Variants in MECR observed in about 807,000 individuals in gnomAD.
The protein encoded by MECR is enoyl-[acyl-carrier-protein] reductase, mitochondrial.
MECR carries 37 observed loss-of-function variants against 49.1 expected under a neutral mutation model. The observed-to-expected ratio is 0.75, with a 90% CI of 0.58 to 0.99. MECR has a LOEUF of 0.99. Among genes scored for constraint, MECR ranks in the 50% least tolerant of loss-of-function variants. The pLI is 0.00. For missense variants in MECR, 470 were observed against 479.6 expected, an observed-to-expected ratio of 0.98 and a Z score of 0.19; for synonymous variants, 198 against 191.1, an observed-to-expected ratio of 1.04 and a Z score of -0.30.
intron 9 of MECR, among the ~76,000 whole-genome samples, chr1:29,194,715 CAGGAAGTTG>C: frequency 6.6e-6 from 1 of 152,270 alleles, no homozygotes; most frequent in South Asian, 2.1e-4. Context: ...CTATATGGTA[CAGGAAGTTG>C]AGAAGTGAAG....
chr1:29,170,322 T>C, the MECR span: 1 of 152,228 alleles, frequency 6.6e-6, no homozygotes, highest in African/African-American at 2.4e-5. Context: ...ATAGAATTAC[T>C]TTATCTGTTA....
chr1:29,222,393 G>C (rs928710601), intron 1 of MECR, among the ~76,000 whole-genome samples: 2 of 152,120 alleles, frequency 1.3e-5, no homozygotes, highest in African/African-American at 4.8e-5. Flanking sequence ...CACTGCACCT[G>C]GCTGTTAGGT....
the MECR span, among the ~76,000 whole-genome samples, chr1:29,182,390 T>C: frequency 1.3e-5 from 2 of 152,162 alleles, no homozygotes; most frequent in Non-Finnish European, 2.9e-5. Context: ...CATAAAGCAC[T>C]TAGTAGTTTT....
Position 29,216,685 on chromosome 1 carries a change from T to G in MECR, c.177A>C (p.Glu59Asp). The change falls in exon 2 of 10, where the codon GAA becomes GAC. Residue 59 changes from glutamate (E) to aspartate (D), a missense_variant and splice_region_variant. Coordinates refer to ENST00000263702, the MANE Select transcript of MECR (RefSeq NM_016011.5). ...CAGCAGCTAGCTCCAGGTTCTTGAG[T>G]CTAAGCACAAAGCCAAACGGAGATG... ...GHHGDPAKVV[E>D]LKNLELAAVR... 6.2e-7 allele frequency: 1 copy of G among 1,614,154 alleles called. No homozygotes were observed. The highest frequency in any genetic ancestry group is 8.5e-7 in the Non-Finnish European group (1 of 1,180,016).
chr1:29,203,192 G>C lies in MECR; in HGVS notation c.592C>G (p.Gln198Glu). 1 of 1,584,308 alleles carries C rather than the reference G, an allele frequency of 6.3e-7. No individual in the cohort carries two copies. The highest frequency in any genetic ancestry group is 8.6e-7 in the Non-Finnish European group (1 of 1,161,524). The change falls in exon 5 of 10, where the codon CAA becomes GAA. Residue 198 changes from glutamine to glutamate, a missense_variant. Physicochemically the swap from Gln to Glu is conservative, Grantham distance 29. Transcript: ENST00000263702. ...IQNASNSGVG[Q>E]AVIQIAAALG... Reference sequence around the variant, plus strand: ...GCTGCGGCGATCTGGATGACTGCTTGCCCCACTCCGCTGTTGGATGCATTC... The same window carrying C: ...GCTGCGGCGATCTGGATGACTGCTTCCCCCACTCCGCTGTTGGATGCATTC...
At chr1:29,213,029 C>G (rs1181888569) in intron 3 of MECR, among the ~76,000 whole-genome samples, 1 of 152,220 alleles carries the variant, frequency 6.6e-6, no homozygotes, top group African/African-American at 2.4e-5. Context: ...TGAGTTCAAG[C>G]ATCACTTCTC....
the MECR span, among the ~76,000 whole-genome samples, chr1:29,176,028 G>A: frequency 6.6e-6 from 1 of 152,086 alleles, no homozygotes; most frequent in Non-Finnish European, 1.5e-5. Flanking sequence ...CGAGGCAGGT[G>A]GATCATGAGG....
rs1327814547 is a variant in MECR at position 29,215,952 on chromosome 1, G to A, written c.406+53C>T. ...CAATCAGTGGATGCCGACAGAGTGG[G>A]TGAAATAGGATCTGGAAGAACGAAT... On this transcript the variant is annotated intron_variant, in intron 3 of 9. Coordinates refer to ENST00000263702, the MANE Select transcript of MECR (RefSeq NM_016011.5). 6 of 1,605,746 alleles carry A rather than the reference G, an allele frequency of 3.7e-6. No homozygotes were observed. In the East Asian group the frequency reaches 1.3e-4, roughly 36 times the overall value.
intron 3 of MECR, among the ~76,000 whole-genome samples, chr1:29,212,131 C>G (rs1312294417): frequency 6.6e-6 from 1 of 152,186 alleles, no homozygotes; most frequent in Non-Finnish European, 1.5e-5. Context: ...AAAGACTCAC[C>G]TGCTGGCCAG....
rs557830506 is a variant in MECR at position 29,192,676 on chromosome 1, G to C, written c.*1346C>G. Among the ~76,000 whole-genome samples, 2 of 152,136 alleles carry C rather than the reference G, an allele frequency of 1.3e-5. No individual in the cohort carries two copies. The highest frequency in any genetic ancestry group is 1.3e-4 in the Admixed American group (2 of 15,266). ...CCCTGAAGCCTCTGTTCTTTGCTTT[G>C]AGCAAATGAATCGTGAAGCAAATAC... On this transcript the variant is annotated 3_prime_UTR_variant, in exon 10 of 10. Transcript: ENST00000263702.
At chr1:29,178,639 C>T in the MECR span, among the ~76,000 whole-genome samples, 989 of 152,206 alleles carry the variant, frequency 6.5e-3, 22 homozygotes, top group Admixed American at 0.045. Flanking sequence ...TACAGGCCAC[C>T]GCGCCCGGCC....
At position 29,192,708 on chromosome 1, in the gene MECR, G is replaced by A. The variant is rs1392515839; in HGVS notation, c.*1314C>T. 6.6e-6 allele frequency among the ~76,000 whole-genome samples: 1 copy of A among 152,104 alleles called. No homozygotes were observed. The highest frequency in any genetic ancestry group is 1.9e-4 in the East Asian group (1 of 5,186). ...TGAATCGTGAAGCAAATACCAAAAA[G>A]TCACGTCAAGCTCTTCTCTCGGCCT... On this transcript the variant is annotated 3_prime_UTR_variant, in exon 10 of 10. Coordinates refer to ENST00000263702, the MANE Select transcript of MECR (RefSeq NM_016011.5).
At chr1:29,218,090 T>G (rs540274001) in intron 1 of MECR, among the ~76,000 whole-genome samples, 1 of 150,156 alleles carries the variant, frequency 6.7e-6, no homozygotes, top group Non-Finnish European at 1.5e-5. Context: ...CCATGTTAAG[T>G]GGTAAGTCCC....
chr1:29,230,878 A>C lies in MECR; in HGVS notation c.29T>G (p.Val10Gly), dbSNP rs200637441. The C allele has an allele frequency of 1.7e-3, 2,682 of 1,581,734 alleles. 8 individuals are homozygous for C. Among genetic ancestry groups the C allele is most frequent in the African/African-American group, 0.011 (817 of 74,474 alleles). Reference protein sequence around the residue: MWVCSTLWRVRTPARQWRGL... With the variant: MWVCSTLWRGRTPARQWRGL... ...CCGCCACTGCCGGGCGGGGGTTCGC[A>C]CCCGCCACAGGGTACTGCAGACCCA... is the stretch of plus-strand genomic sequence containing the variant. Residue 10 changes from valine to glycine, a missense_variant, in exon 1 of 10, where the codon GTG becomes GGG. Physicochemically the swap from Val to Gly is moderately radical, Grantham distance 109. Transcript: ENST00000263702.
At chr1:29,228,879 A>G (rs774371770) in intron 1 of MECR, 10 of 152,140 alleles carry the variant, frequency 6.6e-5, no homozygotes, top group Non-Finnish European at 1.3e-4. Flanking sequence ...TTTTAGGAGC[A>G]CCTGTTTTGT....
chr1:29,192,957 T>TG lies in MECR; in HGVS notation c.*1064_*1065insC, dbSNP rs1673216473. 6.6e-6 allele frequency: 1 copy of TG among 152,038 alleles called. No homozygotes were observed. Among genetic ancestry groups the TG allele is most frequent in the South Asian group, 2.1e-4 (1 of 4,826 alleles). 9.4% of individuals were successfully genotyped at this position (152,038 alleles called of 1,614,324 possible). A position where few individuals can be genotyped will look rare whatever the true frequency, so the allele number is the denominator to read the frequency against. ...ACATTTGGGGCTAGATTTTTTTTTT[T>TG]TTTTTGATATAGGGTCTTGCTCTGT... On this transcript the variant is annotated 3_prime_UTR_variant, in exon 10 of 10. Transcript: ENST00000263702.
At chr1:29,181,859 G>T in the MECR span, 3 of 929,090 alleles carry the variant, frequency 3.2e-6, no homozygotes, top group East Asian at 3.4e-5. Flanking sequence ...GGCGGGCGGC[G>T]GGACGGACGC....
At position 29,203,120 on chromosome 1, in the gene MECR, T is replaced by TC; in HGVS notation, c.653+10dup. On this transcript the variant is annotated intron_variant, in intron 5 of 9. Transcript: ENST00000263702. The stretch of plus-strand genomic sequence containing the variant: ...GACATGGTCTGGGATGAAGCCTCCT[T>TC]CCCCACGCACCTGTCTCGGACCACA... 1 of 1,558,402 alleles carries TC rather than the reference T, an allele frequency of 6.4e-7. No homozygotes were observed. The highest frequency in any genetic ancestry group is 1.2e-5 in the South Asian group (1 of 85,296).
chr1:29,180,248 G>A, the MECR span, among the ~76,000 whole-genome samples: 1 of 151,502 alleles, frequency 6.6e-6, no homozygotes, highest in South Asian at 2.1e-4. Flanking sequence ...GCTGGGCTCT[G>A]AAAAAAACTG....
Sources: gnomAD v4.1 joint callset for allele counts (sites outside exome capture counted in the v4.1 genomes callset) on GRCh38, gnomAD v4.1.1 for gene constraint, MANE v1.5 for transcripts, NCBI Gene and HGNC (gene_info 2026-07-23, HGNC 2026-07-21) for gene names.